Variants in TENM3 observed in about 807,000 individuals in gnomAD.
TENM3 encodes teneurin-3.
TENM3 carries 63 observed loss-of-function variants against 255.1 expected under a neutral mutation model. The ratio of observed to expected loss-of-function variants is 0.25; its 90% CI spans 0.20 to 0.30. The LOEUF is 0.30. TENM3 is among the 10% of genes least tolerant of loss of function. The pLI is 1.00. For synonymous variants in TENM3, 1,306 were observed against 1,322.3 expected (o/e 0.99, Z 0.27); for missense variants, 2,929 against 3,461.1 (o/e 0.85, Z 3.86).
intron 3 of TENM3, among the ~76,000 whole-genome samples, chr4:182,553,644 AT>A (rs767903601): frequency 2.0e-5 from 3 of 152,144 alleles, no homozygotes; most frequent in Non-Finnish European, 4.4e-5. Context: ...TCGGTTGCAT[AT>A]TGCTAGGGAC....
intron 4 of TENM3, among the ~76,000 whole-genome samples, chr4:182,625,393 T>G (rs1442827704): frequency 1.3e-5 from 2 of 151,990 alleles, no homozygotes; most frequent in African/African-American, 4.8e-5. Flanking sequence ...CAAACGCTGT[T>G]GTGAACTGCG....
intron 3 of TENM3, among the ~76,000 whole-genome samples, chr4:182,447,272 GAA>G (rs770714382): frequency 7.1e-6 from 1 of 140,484 alleles, no homozygotes; most frequent in African/African-American, 2.6e-5. Flanking sequence ...GTTAGTGATA[GAA>G]AAAAAAAAAA....
At chr4:182,657,088 CT>C (rs1270726634) in intron 6 of TENM3, among the ~76,000 whole-genome samples, 1 of 152,194 alleles carries the variant, frequency 6.6e-6, no homozygotes, top group Admixed American at 6.5e-5. Flanking sequence ...GCCTAATGTA[CT>C]GGAAAGAATC....
intron 15 of TENM3, 131 bp downstream of exon 15, chr4:182,730,450 T>C: frequency 1.0e-6 from 1 of 965,168 alleles, no homozygotes. Flanking sequence ...TACAAACTTG[T>C]GACAGTACAT....
the TENM3 span, among the ~76,000 whole-genome samples, chr4:181,962,432 A>G: frequency 2.0e-5 from 3 of 152,142 alleles, no homozygotes; most frequent in African/African-American, 4.8e-5. Flanking sequence ...GTGCTAACCC[A>G]TTGGTGGTAG....
intron 3 of TENM3, among the ~76,000 whole-genome samples, chr4:182,500,142 G>T (rs562281365): frequency 6.6e-6 from 1 of 152,256 alleles, no homozygotes; most frequent in East Asian, 1.9e-4. Context: ...AGTAGCTAAG[G>T]CATAATGGGC....
the TENM3 span, among the ~76,000 whole-genome samples, chr4:181,454,691 T>TTTTTTTTTTTTTTC: frequency 3.3e-5 from 5 of 150,132 alleles, no homozygotes; most frequent in Admixed American, 1.3e-4. Flanking sequence ...ACTTTTTTTT[T>TTTTTTTTTTTTTTC]CTGGTGTGCC....
the TENM3 span, among the ~76,000 whole-genome samples, chr4:181,905,196 C>T: frequency 6.6e-6 from 1 of 152,176 alleles, no homozygotes; most frequent in Non-Finnish European, 1.5e-5. Flanking sequence ...TTATTTTTTA[C>T]AGCACATATT....
At chr4:182,570,829 C>A (rs1489929061) in intron 3 of TENM3, among the ~76,000 whole-genome samples, 8 of 144,926 alleles carry the variant, frequency 5.5e-5, no homozygotes, top group Admixed American at 6.9e-5. Context: ...GACTCTGTGT[C>A]AAAAAAAAAA....
chr4:182,298,248 A>G (rs1391991985), intron 1 of TENM3, among the ~76,000 whole-genome samples: 1 of 152,176 alleles, frequency 6.6e-6, no homozygotes, highest in Non-Finnish European at 1.5e-5. Context: ...CCACCCTTCC[A>G]GCCCTAGCAC....
intron 1 of TENM3, among the ~76,000 whole-genome samples, chr4:182,164,377 G>A (rs1415090363): frequency 6.6e-6 from 1 of 152,126 alleles, no homozygotes; most frequent in East Asian, 1.9e-4. Flanking sequence ...ACATTGTCTA[G>A]TTAATATTGC....
chr4:182,434,491 C>A (rs868369865), intron 3 of TENM3, among the ~76,000 whole-genome samples: 1 of 151,870 alleles, frequency 6.6e-6, no homozygotes, highest in Non-Finnish European at 1.5e-5. Context: ...GGTGAAACAC[C>A]GTATCTACTA....
the TENM3 span, among the ~76,000 whole-genome samples, chr4:182,131,116 T>A: frequency 6.6e-6 from 1 of 152,162 alleles, no homozygotes. Flanking sequence ...TTATATAAAC[T>A]GTGTTAACGT....
chr4:182,262,794 A>G (rs1758908998), intron 1 of TENM3, among the ~76,000 whole-genome samples: 2 of 149,400 alleles, frequency 1.3e-5, no homozygotes, highest in East Asian at 2.0e-4. Context: ...GCTCACTCCA[A>G]GCTCCGCCTC....
chr4:182,802,538 A>C lies in TENM3; in HGVS notation c.*2187A>C, dbSNP rs1221583769. The stretch of plus-strand genomic sequence containing the variant: ...CCATGAAAAGCTTGTGCCACATGAC[A>C]GAAGTGAGATCATAGTCTTAACCTC... On this transcript the variant is annotated 3_prime_UTR_variant, in exon 28 of 28. Coordinates refer to ENST00000511685, the MANE Select transcript of TENM3 (RefSeq NM_001080477.4). 1 of 152,654 alleles carries C rather than the reference A, an allele frequency of 6.6e-6. No homozygotes were observed. The highest frequency in any genetic ancestry group is 1.9e-4 in the East Asian group (1 of 5,202). The allele number at this position is 152,654 out of a possible 1,614,324, so 9.5% of individuals were successfully genotyped here. A position where few individuals can be genotyped will look rare whatever the true frequency, so the allele number is the denominator to read the frequency against.
At chr4:182,137,672 C>T in the TENM3 span, among the ~76,000 whole-genome samples, 1 of 152,184 alleles carries the variant, frequency 6.6e-6, no homozygotes, top group African/African-American at 2.4e-5. Flanking sequence ...ATGGTATTGT[C>T]TGCCTTTCTC....
the TENM3 span, among the ~76,000 whole-genome samples, chr4:181,680,254 A>G: frequency 6.6e-6 from 1 of 152,260 alleles, no homozygotes; most frequent in Middle Eastern, 3.4e-3. Flanking sequence ...TCAAGTATAT[A>G]GGCTGTAAAT....
the TENM3 span, among the ~76,000 whole-genome samples, chr4:181,502,489 A>C: frequency 6.6e-6 from 1 of 152,210 alleles, no homozygotes; most frequent in Non-Finnish European, 1.5e-5. Context: ...ACAGGTATTC[A>C]GGTTTCCTAA....
the TENM3 span, among the ~76,000 whole-genome samples, chr4:181,677,087 T>A: frequency 6.6e-6 from 1 of 150,758 alleles, no homozygotes. Context: ...ATATTGGGAG[T>A]GCCTCAAAAC....
Sources: allele counts gnomAD v4.1 joint callset (sites outside exome capture counted in the v4.1 genomes callset), GRCh38; gene constraint gnomAD v4.1.1; transcripts MANE v1.5; gene names NCBI Gene and HGNC (gene_info 2026-07-23, HGNC 2026-07-21).